Variants in ATR observed in about 807,000 individuals in gnomAD.
ATR encodes serine/threonine-protein kinase ATR.
ATR carries 142 observed loss-of-function variants against 305.3 expected under a neutral mutation model. The ratio of observed to expected loss-of-function variants is 0.47; its 90% CI spans 0.41 to 0.53. The LOEUF is 0.53. Ranked by LOEUF, ATR falls within the 20% of genes least tolerant of loss-of-function variation. The pLI, the probability that ATR is intolerant of heterozygous loss-of-function variation, is 0.00. For missense variants in ATR, 2,135 were observed against 3,133.1 expected (o/e 0.68, Z 7.60); for synonymous variants, 1,050 against 1,068.1 (o/e 0.98, Z 0.33).
rs886044646 is a variant in ATR, at chr3:142,560,444, CAT to C, written c.1358_1359del (p.His453ArgfsTer18). 6.2e-7 allele frequency: 1 copy of C among 1,609,346 alleles called. No homozygotes were observed. Among genetic ancestry groups the C allele is most frequent in the Non-Finnish European group, 8.5e-7 (1 of 1,175,868 alleles). On this transcript the variant is annotated frameshift_variant, in exon 6 of 47. Transcript: ENST00000350721. LOFTEE classifies it high-confidence loss of function. ...AATATGCTCTTTTGGTTCATGTCCA[CAT>C]GTTTAATTCTATAATTATGAATATA... ...RAPKQTEEIKHVDMNQKSILW... is the reference protein window; with the variant it reads ...RAPKQTEEIKXVDMNQKSILW...
intron 45 of ATR, among the ~76,000 whole-genome samples, chr3:142,456,761 A>C (rs577737672): frequency 1.3e-5 from 2 of 152,338 alleles, no homozygotes; most frequent in East Asian, 3.9e-4. Flanking sequence ...AATGGCTAAA[A>C]TAAAAAAGGC....
chr3:142,537,254 T>A lies in ATR; in HGVS notation c.3726-1053A>T, dbSNP rs201253981. ...CAGGCTCTTTTTGCTTTTTTTTTTT[T>A]AAATGTTTCTGTATTTTTTGTAGAG... is the stretch of plus-strand genomic sequence containing the variant. On this transcript the variant is annotated intron_variant, in intron 19 of 46. Coordinates refer to ENST00000350721, the MANE Select transcript of ATR (RefSeq NM_001184.4). 2.0e-3 allele frequency among the ~76,000 whole-genome samples: 270 copies of A among 135,752 alleles called. 1 individual carries two copies. The highest frequency in any genetic ancestry group is 6.3e-3 in the African/African-American group (235 of 37,056). The allele number at this position is 135,752 out of a possible 152,430, so 89.1% of individuals were successfully genotyped here.
intron 31 of ATR, chr3:142,499,295 CTTTT>C: frequency 3.9e-6 from 1 of 254,036 alleles, no homozygotes. Context: ...ATTAAAACCG[CTTTT>C]TTTTTTTTTC....
chr3:142,544,713 C>T (rs1026880414), intron 16 of ATR, among the ~76,000 whole-genome samples: 4 of 150,362 alleles, frequency 2.7e-5, no homozygotes, highest in Non-Finnish European at 5.9e-5. Flanking sequence ...GATGTTGAGG[C>T]ATCTGATTTA....
At chr3:142,459,569 A>G (rs1221691169) in intron 42 of ATR, among the ~76,000 whole-genome samples, 186 bp from the exon 43 acceptor site, 1 of 152,208 alleles carries the variant, frequency 6.6e-6, no homozygotes, top group East Asian at 1.9e-4. Flanking sequence ...ATAATAAACC[A>G]CATTATCTTC....
intron 41 of ATR, 62 bp downstream of exon 41, chr3:142,465,035 A>T (rs2108270570): frequency 8.8e-7 from 1 of 1,132,388 alleles, no homozygotes; most frequent in Non-Finnish European, 1.2e-6. Context: ...GTTTTATAAT[A>T]GTCAAAAATT....
intron 1 of ATR, among the ~76,000 whole-genome samples, chr3:142,572,181 T>G (rs1448702646): frequency 6.6e-6 from 1 of 151,900 alleles, no homozygotes; most frequent in African/African-American, 2.4e-5. Context: ...GTGATTCTCC[T>G]GCCTCAGCCT....
intron 3 of ATR, among the ~76,000 whole-genome samples, chr3:142,563,978 G>T (rs1224810092): frequency 6.6e-6 from 1 of 152,040 alleles, no homozygotes; most frequent in Non-Finnish European, 1.5e-5. Context: ...AAAAAAAGAA[G>T]ATCAAACCAG....
chr3:142,527,009 G>A (rs185019220), intron 21 of ATR, among the ~76,000 whole-genome samples: 220 of 152,032 alleles, frequency 1.4e-3, no homozygotes, highest in Admixed American at 3.1e-3. Flanking sequence ...GGCTGGTCTC[G>A]AACCCTTGGG....
intron 46 of ATR, chr3:142,450,170 C>A: frequency 2.3e-6 from 1 of 434,462 alleles, no homozygotes; most frequent in Non-Finnish European, 4.3e-6. Flanking sequence ...GCTGTGCCAT[C>A]TGCCATCGAC....
intron 16 of ATR, among the ~76,000 whole-genome samples, chr3:142,543,784 C>G (rs1328786742): frequency 2.6e-5 from 4 of 152,032 alleles, no homozygotes; most frequent in African/African-American, 9.7e-5. Context: ...ATCCTCCCAG[C>G]TCAGCCTCCT....
chr3:142,515,108 C>G (rs962652844), intron 25 of ATR, among the ~76,000 whole-genome samples: 1 of 151,920 alleles, frequency 6.6e-6, no homozygotes, highest in Non-Finnish European at 1.5e-5. Context: ...GCATTTACAT[C>G]CTTTTACATA....
chr3:142,467,782 A>C lies in ATR; in HGVS notation c.6687+152T>G. 6.8e-6 allele frequency: 6 copies of C among 887,404 alleles called. No individual in the cohort carries two copies. In the South Asian group the frequency reaches 1.4e-4, roughly 21 times the overall value. The allele number at this position is 887,404 out of a possible 1,614,324, so 55.0% of individuals were successfully genotyped here. A position where few individuals can be genotyped will look rare whatever the true frequency, so the allele number is the denominator to read the frequency against. ...AGAAATATTAAAAACTGCTTTATTAAGACAAATCATACATAATTAAAATAT... is the reference window on the plus strand; with the variant it reads ...AGAAATATTAAAAACTGCTTTATTACGACAAATCATACATAATTAAAATAT... On this transcript the variant is annotated intron_variant, in intron 39 of 46. Coordinates refer to ENST00000350721, the MANE Select transcript of ATR (RefSeq NM_001184.4).
chr3:142,544,483 T>C (rs907919590), intron 16 of ATR, among the ~76,000 whole-genome samples: 2 of 80,328 alleles, frequency 2.5e-5, no homozygotes, highest in South Asian at 3.6e-4. Context: ...AAAAAAAAGA[T>C]ACCATTCACT....
intron 10 of ATR, among the ~76,000 whole-genome samples, chr3:142,555,509 T>C (rs918829982): frequency 2.0e-5 from 3 of 152,172 alleles, no homozygotes; most frequent in African/African-American, 7.2e-5. Flanking sequence ...TTGGGCAAAG[T>C]AATTTAACTA....
At chr3:142,500,825 C>T (rs1483965340) in intron 30 of ATR, among the ~76,000 whole-genome samples, 2 of 152,052 alleles carry the variant, frequency 1.3e-5, no homozygotes, top group African/African-American at 4.8e-5. Context: ...TACCATCAGA[C>T]ACCAAAATAT....
intron 20 of ATR, 50 bp downstream of exon 20, chr3:142,536,058 A>G (rs1038737254): frequency 1.6e-6 from 2 of 1,279,416 alleles, no homozygotes; most frequent in African/African-American, 2.9e-5. Context: ...GGAACTTGGG[A>G]ACAATTCTGT....
intron 27 of ATR, among the ~76,000 whole-genome samples, chr3:142,510,875 A>C (rs938202835): frequency 6.6e-6 from 1 of 152,166 alleles, no homozygotes; most frequent in East Asian, 1.9e-4. Context: ...TCTTCTCATC[A>C]ATGCTTATAT....
At chr3:142,576,288 T>C (rs1293042657) in intron 1 of ATR, among the ~76,000 whole-genome samples, 7 of 152,368 alleles carry the variant, frequency 4.6e-5, no homozygotes, top group African/African-American at 1.7e-4. Flanking sequence ...TCAGGCGTTC[T>C]GCTTTGGATA....
Sources: gnomAD v4.1 joint callset for allele counts (sites outside exome capture counted in the v4.1 genomes callset) on GRCh38, gnomAD v4.1.1 for gene constraint, MANE v1.5 for transcripts, NCBI Gene and HGNC (gene_info 2026-07-23, HGNC 2026-07-21) for gene names.